The following GPC6 variants were observed in gnomAD, a reference collection of about 807,000 sequenced individuals.
GPC6 encodes glypican-6.
GPC6 carries 14 observed loss-of-function variants against 55.2 expected under a neutral mutation model. The observed-to-expected ratio is 0.25, with a 90% CI of 0.17 to 0.40. The LOEUF (loss-of-function observed/expected upper bound fraction) is 0.40, where lower values mean the gene tolerates loss of function less well. Among genes scored for constraint, GPC6 ranks in the 10% least tolerant of loss-of-function variants. The pLI is 1.00. For missense variants in GPC6, 641 were observed against 708.5 expected, an observed-to-expected ratio of 0.90 and a Z score of 1.08; for synonymous variants, 278 against 259.6, an observed-to-expected ratio of 1.07 and a Z score of -0.68.
chr13:94,156,085 T>C (rs1230102184), intron 4 of GPC6, among the ~76,000 whole-genome samples: 6 of 152,296 alleles, frequency 3.9e-5, no homozygotes, highest in African/African-American at 1.2e-4. Context: ...AAAACACCTT[T>C]GGCTTTTCCA....
intron 1 of GPC6, among the ~76,000 whole-genome samples, chr13:93,243,072 G>A (rs917687466): frequency 1.3e-5 from 2 of 152,194 alleles, no homozygotes; most frequent in Non-Finnish European, 2.9e-5. Context: ...CCCTCGAGAA[G>A]TCCCCAGATC....
intron 3 of GPC6, among the ~76,000 whole-genome samples, chr13:94,018,747 A>T (rs900603103): frequency 6.6e-6 from 1 of 152,190 alleles, no homozygotes; most frequent in Non-Finnish European, 1.5e-5. Context: ...ACAGCAGGAC[A>T]TGAGCACCTG....
chr13:94,121,087 A>C (rs1886614191), intron 4 of GPC6, among the ~76,000 whole-genome samples: 1 of 152,122 alleles, frequency 6.6e-6, no homozygotes, highest in African/African-American at 2.4e-5. Flanking sequence ...TGGAGAATCA[A>C]CGCTGGGTAC....
intron 2 of GPC6, among the ~76,000 whole-genome samples, chr13:93,633,592 C>T (rs1171469209): frequency 6.6e-6 from 1 of 151,602 alleles, no homozygotes; most frequent in Non-Finnish European, 1.5e-5. Flanking sequence ...GCCGAGATGG[C>T]GCCACTGTAC....
At chr13:93,961,184 A>G (rs1372343205) in intron 3 of GPC6, among the ~76,000 whole-genome samples, 1 of 152,208 alleles carries the variant, frequency 6.6e-6, no homozygotes, top group Non-Finnish European at 1.5e-5. Flanking sequence ...ACTAGATGCC[A>G]TTTAAAACAG....
At chr13:93,674,453 T>C (rs187637649) in intron 2 of GPC6, among the ~76,000 whole-genome samples, 2 of 152,324 alleles carry the variant, frequency 1.3e-5, no homozygotes, top group South Asian at 2.1e-4. Context: ...AGCAATCCAG[T>C]AAATGCAGTC....
chr13:93,795,541 C>T (rs1362400928), intron 2 of GPC6, among the ~76,000 whole-genome samples: 2 of 152,114 alleles, frequency 1.3e-5, no homozygotes, highest in Non-Finnish European at 2.9e-5. Flanking sequence ...AATCCCTTAT[C>T]TGTTAGAAAG....
intron 3 of GPC6, among the ~76,000 whole-genome samples, chr13:93,903,227 T>C (rs965048172): frequency 8.5e-5 from 13 of 152,160 alleles, no homozygotes; most frequent in African/African-American, 2.9e-4. Context: ...TGGAGTTACA[T>C]ACATCAAAGT....
intron 3 of GPC6, among the ~76,000 whole-genome samples, chr13:93,858,484 G>A (rs1888698233): frequency 6.6e-6 from 1 of 151,536 alleles, no homozygotes; most frequent in African/African-American, 2.4e-5. Context: ...AGATCACCAA[G>A]GAAATGAGTG....
intron 1 of GPC6, among the ~76,000 whole-genome samples, chr13:93,344,066 A>T (rs1186247194): frequency 6.6e-6 from 1 of 152,204 alleles, no homozygotes; most frequent in African/African-American, 2.4e-5. Context: ...TCCAGCTATC[A>T]TCTAAACATG....
chr13:93,442,174 T>A (rs1374499460), intron 1 of GPC6, among the ~76,000 whole-genome samples: 2 of 152,118 alleles, frequency 1.3e-5, no homozygotes, highest in Non-Finnish European at 1.5e-5. Context: ...GTACATTTAA[T>A]CTGATCAGTG....
rs558124183 is a variant in GPC6 at position 93,319,116 on chromosome 13, G to A, written c.160+91500G>A. Among the ~76,000 whole-genome samples, 3 of 152,138 alleles carry A rather than the reference G, an allele frequency of 2.0e-5. No homozygotes were observed. In the South Asian group the frequency reaches 6.2e-4, roughly 31 times the overall value. On this transcript the variant is annotated intron_variant, in intron 1 of 8. Transcript: ENST00000377047. Reference sequence around the variant, plus strand: ...CCCTCATGCATCTCTACACAGATTAGTGAAAGCTAATTTTCTGGAGAAACT... The same window carrying A: ...CCCTCATGCATCTCTACACAGATTAATGAAAGCTAATTTTCTGGAGAAACT...
At chr13:94,266,416 CCTT>C (rs1891818262) in intron 4 of GPC6, among the ~76,000 whole-genome samples, 1 of 152,178 alleles carries the variant, frequency 6.6e-6, no homozygotes, top group Non-Finnish European at 1.5e-5. Context: ...GATCCGCCCG[CCTT>C]GGCCTCCCAA....
At chr13:94,400,334 A>G (rs551341766) in intron 8 of GPC6, among the ~76,000 whole-genome samples, 1 of 152,280 alleles carries the variant, frequency 6.6e-6, no homozygotes, top group Admixed American at 6.5e-5. Flanking sequence ...TATTTTTTCC[A>G]GCCAAAATCT....
Position 94,043,395 on chromosome 13 carries a change from A to G in GPC6, c.877+15501A>G, listed in dbSNP as rs80007734. Among the ~76,000 whole-genome samples, 52 of 151,972 alleles carry G rather than the reference A, an allele frequency of 3.4e-4. No homozygotes were observed. The East Asian group carries it at 0.01, about 29-fold the overall frequency. ...CTAACATTGATTTTGAAGATTTTCA[A>G]CTTACAAAAAAGTTTCAAAAATAGT... On this transcript the variant is annotated intron_variant, in intron 4 of 8. Transcript: ENST00000377047.
intron 1 of GPC6, among the ~76,000 whole-genome samples, chr13:93,228,804 G>C (rs528463483): frequency 4.6e-5 from 7 of 152,186 alleles, no homozygotes; most frequent in African/African-American, 1.7e-4. Context: ...CAAATAACTG[G>C]TGGATGGATG....
intron 1 of GPC6, among the ~76,000 whole-genome samples, chr13:93,280,289 C>G (rs749499487): frequency 1.3e-5 from 2 of 152,176 alleles, no homozygotes; most frequent in Admixed American, 6.5e-5. Flanking sequence ...TTCAGCTTTG[C>G]AAACATCCCA....
intron 1 of GPC6, among the ~76,000 whole-genome samples, chr13:93,323,634 T>G (rs9561309): frequency 0.14 from 21,527 of 152,134 alleles, 1,764 homozygotes; most frequent in East Asian, 0.42. Context: ...ATTATATAAT[T>G]GTTAATTCAG....
chr13:94,113,925 G>A (rs1437849350), intron 4 of GPC6, among the ~76,000 whole-genome samples: 2 of 150,468 alleles, frequency 1.3e-5, no homozygotes, highest in African/African-American at 4.9e-5. Context: ...GGAAGGCTGA[G>A]GCACGAGAAT....
Sources: allele counts gnomAD v4.1 joint callset (sites outside exome capture counted in the v4.1 genomes callset), GRCh38; gene constraint gnomAD v4.1.1; transcripts MANE v1.5; gene names NCBI Gene and HGNC (gene_info 2026-07-23, HGNC 2026-07-21).